COL4A1: variants seen among roughly 807,000 people sequenced by gnomAD.
COL4A1 encodes collagen type IV alpha 1 chain, also known as collagen alpha-1(IV) chain.
In COL4A1, 40 loss-of-function variants were observed where a neutral mutation model predicts 216.6. That is an observed-to-expected ratio of 0.18 (90% CI 0.14 to 0.24). The LOEUF (loss-of-function observed/expected upper bound fraction) is 0.24. Among genes scored for constraint, COL4A1 ranks in the 10% least tolerant of loss-of-function variants. COL4A1 has a pLI of 1.00. For missense variants in COL4A1, 1,628 were observed against 2,196.8 expected (o/e 0.74, Z 5.18); for synonymous variants, 839 against 810.7 (o/e 1.03, Z -0.59).
chr13:110,174,596 A>G, intron 38 of COL4A1, 27 bp downstream of exon 38: 1 of 1,614,146 alleles, frequency 6.2e-7, no homozygotes, highest in Non-Finnish European at 8.5e-7. Context: ...AGATTCCCCA[A>G]GTCCAAGAGA....
rs1158407872 is a variant in COL4A1 at position 110,183,215 on chromosome 13, C to A, written c.1959G>T (p.Leu653=). The change falls in exon 27 of 52, where the codon CTG becomes CTT. Residue 653 remains leucine (L), a synonymous_variant. Transcript: ENST00000375820. ...GACCTGGGAAGCCTGGGGACCCCGG[C>A]AGTCCTTCTGCTCCAGGGGGGCCTG... ...PLPGPPGAEG[L]PGSPGFPGPQ... The A allele has an allele frequency of 6.2e-7, 1 of 1,613,914 alleles. No homozygotes were observed.
At chr13:110,257,077 A>G (rs1882610149) in intron 1 of COL4A1, among the ~76,000 whole-genome samples, 1 of 152,220 alleles carries the variant, frequency 6.6e-6, no homozygotes, top group African/African-American at 2.4e-5. Context: ...AATTTATACT[A>G]CTTATAAAAG....
chr13:110,242,617 G>T, intron 2 of COL4A1, 58 bp downstream of exon 2: 1 of 1,542,478 alleles, frequency 6.5e-7, no homozygotes, highest in Non-Finnish European at 9.0e-7. Context: ...TACTGTTAAT[G>T]TAGTACTTAC....
intron 29 of COL4A1, among the ~76,000 whole-genome samples, chr13:110,180,284 G>A (rs775781948): frequency 3.3e-5 from 5 of 152,218 alleles, no homozygotes; most frequent in South Asian, 2.1e-4. Flanking sequence ...AAGTTGCCGC[G>A]GTTGACTAAA....
rs1469840150 is a variant in COL4A1 at position 110,212,489 on chromosome 13, A to C, written c.325-10T>G. On this transcript the variant is annotated splice_polypyrimidine_tract_variant and intron_variant, in intron 5 of 51. Coordinates refer to ENST00000375820, the MANE Select transcript of COL4A1 (RefSeq NM_001845.6). ...CTTGGCCAGGAATTCCCTGCAATGA[A>C]GAAAGTGAAAATGTAACCCAGGCAG... The C allele has an allele frequency of 2.5e-6, 4 of 1,614,136 alleles. No individual in the cohort carries two copies. The highest frequency in any genetic ancestry group is 1.3e-5 in the African/African-American group (1 of 74,948).
intron 51 of COL4A1, 33 bp from the exon 52 acceptor site, chr13:110,150,477 A>T (rs1426439702): frequency 1.2e-6 from 2 of 1,600,308 alleles, no homozygotes; most frequent in Non-Finnish European, 1.7e-6. Context: ...ACCATTGGCC[A>T]TCATCTCACA....
chr13:110,209,741 C>T (rs1280848829), intron 10 of COL4A1: 2 of 755,774 alleles, frequency 2.6e-6, no homozygotes, highest in Non-Finnish European at 4.8e-6. Flanking sequence ...ACCATGACTG[C>T]ATTATTTGTT....
In COL4A1 at chr13:110,214,218, G is replaced by A. The variant is rs143497916; in HGVS notation, c.145-203C>T. Reference sequence around the variant, plus strand: ...GGATTCTCCTGCCTCAGCCTCCCGGGTAGCTGGGATTACAGGCGTGCGCCA... The same window carrying A: ...GGATTCTCCTGCCTCAGCCTCCCGGATAGCTGGGATTACAGGCGTGCGCCA... On this transcript the variant is annotated intron_variant, in intron 2 of 51. Coordinates refer to ENST00000375820, the MANE Select transcript of COL4A1 (RefSeq NM_001845.6). Among the ~76,000 whole-genome samples, 1,293 of 152,228 alleles carry A rather than the reference G, an allele frequency of 8.5e-3. 5 individuals are homozygous for A. The highest frequency in any genetic ancestry group is 0.016 in the African/African-American group (672 of 41,534).
intron 2 of COL4A1, among the ~76,000 whole-genome samples, chr13:110,234,530 C>T (rs151163242): frequency 0.011 from 1,690 of 151,710 alleles, 22 homozygotes; most frequent in Middle Eastern, 0.024. Context: ...TGCAGTGAGC[C>T]GAGATCGTGC....
At chr13:110,296,507 T>G (rs1884280949) in intron 1 of COL4A1, among the ~76,000 whole-genome samples, 1 of 152,372 alleles carries the variant, frequency 6.6e-6, no homozygotes, top group African/African-American at 2.4e-5. Context: ...TTATGAATGC[T>G]CATCTGAAGA....
intron 33 of COL4A1, 61 bp from the exon 34 acceptor site, chr13:110,177,098 G>A: frequency 6.2e-7 from 1 of 1,605,474 alleles, no homozygotes; most frequent in Non-Finnish European, 8.5e-7. Flanking sequence ...TGCTCAAAAG[G>A]CTCACGTTCT....
chr13:110,270,026 G>C (rs181529502), intron 1 of COL4A1, among the ~76,000 whole-genome samples: 1 of 152,030 alleles, frequency 6.6e-6, no homozygotes, highest in Non-Finnish European at 1.5e-5. Flanking sequence ...TCTTCTCCAC[G>C]CACCCCCAGC....
chr13:110,258,554 G>T (rs1308819971), intron 1 of COL4A1, among the ~76,000 whole-genome samples: 3 of 151,884 alleles, frequency 2.0e-5, no homozygotes, highest in African/African-American at 4.8e-5. Flanking sequence ...AAAAAGAAAA[G>T]AAAATTTAAA....
At chr13:110,190,741 T>C (rs1232958482) in intron 24 of COL4A1, 1 of 152,210 alleles carries the variant, frequency 6.6e-6, no homozygotes, top group Admixed American at 6.5e-5. Context: ...AACTTCTCAA[T>C]TGAATTATTT....
At chr13:110,170,162 A>G (rs1439523736) in intron 42 of COL4A1, among the ~76,000 whole-genome samples, 1 of 142,754 alleles carries the variant, frequency 7.0e-6, no homozygotes, top group Non-Finnish European at 1.5e-5. Flanking sequence ...CAGACATAGA[A>G]ATGCCACTGT....
intron 2 of COL4A1, among the ~76,000 whole-genome samples, chr13:110,241,911 C>A (rs2139244909): frequency 6.6e-6 from 1 of 152,316 alleles, no homozygotes; most frequent in Admixed American, 6.5e-5. Flanking sequence ...GTATCCACTC[C>A]ATTCTACAGG....
intron 2 of COL4A1, among the ~76,000 whole-genome samples, chr13:110,237,382 C>A (rs1170014327): frequency 6.6e-6 from 1 of 152,088 alleles, no homozygotes; most frequent in African/African-American, 2.4e-5. Flanking sequence ...TGAGTCTGCA[C>A]CCCCCACCCC....
chr13:110,256,179 A>G (rs1882557383), intron 1 of COL4A1, among the ~76,000 whole-genome samples: 1 of 152,096 alleles, frequency 6.6e-6, no homozygotes. Flanking sequence ...AGACACCTAT[A>G]TAATGTTTAA....
At chr13:110,218,088 C>T (rs1880178434) in intron 2 of COL4A1, among the ~76,000 whole-genome samples, 1 of 152,144 alleles carries the variant, frequency 6.6e-6, no homozygotes, top group South Asian at 2.1e-4. Context: ...ATACCCAGGA[C>T]AGCTGAAGTT....
Sources: gnomAD v4.1 joint callset for allele counts (sites outside exome capture counted in the v4.1 genomes callset) on GRCh38, gnomAD v4.1.1 for gene constraint, MANE v1.5 for transcripts, NCBI Gene and HGNC (gene_info 2026-07-23, HGNC 2026-07-21) for gene names.